The following SAMD4A variants were observed in gnomAD, a reference collection of about 807,000 sequenced individuals.
The protein encoded by SAMD4A is sterile alpha motif domain containing 4A, also known as protein Smaug homolog 1.
In SAMD4A, 33 loss-of-function variants were observed where a neutral mutation model predicts 81.3. That is an observed-to-expected ratio of 0.41 (90% CI 0.31 to 0.54). The LOEUF (loss-of-function observed/expected upper bound fraction) is 0.54, where lower values mean the gene tolerates loss of function less well. SAMD4A is among the 20% of genes least tolerant of loss of function. The pLI is 0.37. For missense variants in SAMD4A, 854 were observed against 951.1 expected (o/e 0.90, Z 1.34); for synonymous variants, 389 against 382.1 (o/e 1.02, Z -0.21).
intron 2 of SAMD4A, among the ~76,000 whole-genome samples, chr14:54,645,591 AAT>A (rs1279909405): frequency 6.6e-6 from 1 of 152,230 alleles, no homozygotes; most frequent in Non-Finnish European, 1.5e-5. Flanking sequence ...CTTCCACTAA[AAT>A]ATGAATAAGG....
Position 54,748,957 on chromosome 14 carries a change from G to A in SAMD4A, c.1089+33G>A, listed in dbSNP as rs747243086. 23 of 1,484,868 alleles carry A rather than the reference G, an allele frequency of 1.5e-5. No homozygotes were observed. In the South Asian group the frequency reaches 2.8e-4, roughly 18 times the overall value. 92.0% of individuals were successfully genotyped at this position (1,484,868 alleles called of 1,614,324 possible). A position where few individuals can be genotyped will look rare whatever the true frequency, so the allele number is the denominator to read the frequency against. On this transcript the variant is annotated intron_variant, in intron 5 of 12. Coordinates refer to ENST00000554335, the MANE Select transcript of SAMD4A (RefSeq NM_015589.6). ...CTTGAGGTGACTGTTCCCTGAGAGG[G>A]TGCCCCAGGCAGGACCTGAAGTTCA...
intron 2 of SAMD4A, among the ~76,000 whole-genome samples, chr14:54,651,029 G>A (rs1182273043): frequency 3.3e-5 from 5 of 152,200 alleles, no homozygotes; most frequent in Admixed American, 3.3e-4. Flanking sequence ...TCCCTGGTCT[G>A]CAGTGACCCT....
At chr14:54,788,853 A>T in intron 12 of SAMD4A, 63 bp from the exon 13 acceptor site, 1 of 1,604,168 alleles carries the variant, frequency 6.2e-7, no homozygotes. Flanking sequence ...GCGTTGGCAT[A>T]GGTGGGCACG....
chr14:54,592,902 A>G (rs2033817796), intron 2 of SAMD4A, among the ~76,000 whole-genome samples: 1 of 152,196 alleles, frequency 6.6e-6, no homozygotes, highest in Non-Finnish European at 1.5e-5. Context: ...GTTTTTAACA[A>G]TGTAGGAATC....
chr14:54,706,129 C>T (rs1243943192), intron 3 of SAMD4A, among the ~76,000 whole-genome samples: 1 of 151,934 alleles, frequency 6.6e-6, no homozygotes, highest in Non-Finnish European at 1.5e-5. Context: ...GGGAGGATTG[C>T]TTGAGGCCAG....
At chr14:54,701,664 C>T (rs2036720740) in intron 2 of SAMD4A, among the ~76,000 whole-genome samples, 1 of 152,216 alleles carries the variant, frequency 6.6e-6, no homozygotes, top group Non-Finnish European at 1.5e-5. Context: ...ACCCCCAGGA[C>T]TCTGGAATGG....
At chr14:54,733,153 A>G (rs2037600763) in intron 3 of SAMD4A, among the ~76,000 whole-genome samples, 1 of 152,218 alleles carries the variant, frequency 6.6e-6, no homozygotes, top group African/African-American at 2.4e-5. Flanking sequence ...AAACAAGATT[A>G]TAAGAACCTC....
intron 11 of SAMD4A, among the ~76,000 whole-genome samples, chr14:54,778,182 C>T (rs992134145): frequency 6.6e-6 from 1 of 152,224 alleles, no homozygotes; most frequent in African/African-American, 2.4e-5. Flanking sequence ...TCCTGCCACT[C>T]TTTTGCCAGT....
At position 54,789,585 on chromosome 14, in the gene SAMD4A, T is replaced by C. The variant is rs1324605646; in HGVS notation, c.*641T>C. The stretch of plus-strand genomic sequence containing the variant: ...CATAATAATTTTAAAGGGTACATAA[T>C]GTGTAAAGAGTTTGGATAGAACCTC... On this transcript the variant is annotated 3_prime_UTR_variant, in exon 13 of 13. Coordinates refer to ENST00000554335, the MANE Select transcript of SAMD4A (RefSeq NM_015589.6). 1 of 152,522 alleles carries C rather than the reference T, an allele frequency of 6.6e-6. No individual in the cohort carries two copies. Among genetic ancestry groups the C allele is most frequent in the East Asian group, 1.9e-4 (1 of 5,206 alleles). 9.4% of individuals were successfully genotyped at this position (152,522 alleles called of 1,614,324 possible).
chr14:54,763,205 G>A (rs1217995377), intron 7 of SAMD4A, among the ~76,000 whole-genome samples: 5 of 124,400 alleles, frequency 4.0e-5, no homozygotes, highest in Non-Finnish European at 8.1e-5. Flanking sequence ...CTTTTCTACA[G>A]GCTGGTGGGT....
intron 2 of SAMD4A, among the ~76,000 whole-genome samples, chr14:54,607,950 A>T (rs1312761027): frequency 6.9e-6 from 1 of 145,380 alleles, no homozygotes; most frequent in Non-Finnish European, 1.5e-5. Flanking sequence ...CGGGAGGCAG[A>T]GGTTGCAATG....
chr14:54,684,140 A>G (rs2036194150), intron 2 of SAMD4A, among the ~76,000 whole-genome samples: 1 of 152,196 alleles, frequency 6.6e-6, no homozygotes, highest in Non-Finnish European at 1.5e-5. Flanking sequence ...TCAGAAAGGA[A>G]TTAATTTTTT....
chr14:54,744,408 C>G (rs1037295581), intron 4 of SAMD4A, among the ~76,000 whole-genome samples: 1 of 152,158 alleles, frequency 6.6e-6, no homozygotes, highest in Non-Finnish European at 1.5e-5. Flanking sequence ...GCACAGCCTC[C>G]CTGTGGCTGG....
chr14:54,623,238 A>G (rs2034661520), intron 2 of SAMD4A, among the ~76,000 whole-genome samples: 1 of 152,116 alleles, frequency 6.6e-6, no homozygotes, highest in African/African-American at 2.4e-5. Context: ...CTGCCCATCT[A>G]TACCTGGTAT....
Position 54,748,813 on chromosome 14 carries a change from A to G in SAMD4A, c.980-2A>G. ...CCATCTCTTGCACATCTTGCACCAC[A>G]GATGTTCCAGCCTGGCTGAAAAGCC... On this transcript the variant is annotated splice_acceptor_variant, in intron 4 of 12. Coordinates refer to ENST00000554335, the MANE Select transcript of SAMD4A (RefSeq NM_015589.6). LOFTEE classifies it high-confidence loss of function. The G allele has an allele frequency of 1.3e-6, 2 of 1,549,880 alleles. No homozygotes were observed. The highest frequency in any genetic ancestry group is 1.7e-6 in the Non-Finnish European group (2 of 1,145,264).
rs3051648 is a variant in SAMD4A at position 54,739,055 on chromosome 14, C to CTTTTTTTTTTTTTTTT, written c.979+1772_979+1787dup. ...TACTTTGTTTTCTTTCTTTCCTTTTCTTTTTTTTTTTTTTTTTTTGAGGCC... is the reference window on the plus strand; with the variant it reads ...TACTTTGTTTTCTTTCTTTCCTTTTCTTTTTTTTTTTTTTTTTTTTTTTTTTTTTTTTTTTGAGGCC... On this transcript the variant is annotated intron_variant, in intron 4 of 12. Coordinates refer to ENST00000554335, the MANE Select transcript of SAMD4A (RefSeq NM_015589.6). 2.9e-4 allele frequency among the ~76,000 whole-genome samples: 28 copies of CTTTTTTTTTTTTTTTT among 97,346 alleles called. 1 individual carries two copies. The highest frequency in any genetic ancestry group is 1.2e-3 in the African/African-American group (24 of 20,656). The allele number at this position is 97,346 out of a possible 152,430, so 63.9% of individuals were successfully genotyped here.
At chr14:54,725,737 A>AT (rs1210438411) in intron 3 of SAMD4A, among the ~76,000 whole-genome samples, 3 of 152,312 alleles carry the variant, frequency 2.0e-5, no homozygotes, top group Non-Finnish European at 2.9e-5. Context: ...AAATGATTAG[A>AT]TTTTTTCCAA....
chr14:54,712,566 T>G (rs542286032), intron 3 of SAMD4A, among the ~76,000 whole-genome samples: 1 of 152,280 alleles, frequency 6.6e-6, no homozygotes, highest in Admixed American at 6.5e-5. Context: ...GGCTGATCCT[T>G]CTCCTGTTTC....
chr14:54,645,710 A>G (rs1444592036), intron 2 of SAMD4A, among the ~76,000 whole-genome samples: 1 of 152,252 alleles, frequency 6.6e-6, no homozygotes, highest in Non-Finnish European at 1.5e-5. Flanking sequence ...CTTTTAAAAC[A>G]TGACAACAAA....
Sources: gnomAD v4.1 joint callset for allele counts (sites outside exome capture counted in the v4.1 genomes callset) on GRCh38, gnomAD v4.1.1 for gene constraint, MANE v1.5 for transcripts, NCBI Gene and HGNC (gene_info 2026-07-23, HGNC 2026-07-21) for gene names.